The following PTPRT variants were observed in gnomAD, a reference collection of about 807,000 sequenced individuals.
The protein encoded by PTPRT is protein tyrosine phosphatase receptor type T, also known as receptor-type tyrosine-protein phosphatase T.
PTPRT carries 56 observed loss-of-function variants against 176.8 expected under a neutral mutation model. That is an observed-to-expected ratio of 0.32 (90% CI 0.26 to 0.40). The LOEUF is 0.40. PTPRT is among the 10% of genes least tolerant of loss of function. The pLI, the probability that PTPRT is intolerant of heterozygous loss-of-function variation, is 1.00. For synonymous variants in PTPRT, 783 were observed against 739.0 expected (o/e 1.06, Z -0.96); for missense variants, 1,540 against 1,908.2 (o/e 0.81, Z 3.60).
intron 11 of PTPRT, among the ~76,000 whole-genome samples, chr20:42,329,488 CACACACACACACACAT>C (rs1341949906): frequency 2.8e-4 from 39 of 139,668 alleles, no homozygotes; most frequent in Non-Finnish European, 4.9e-4. Context: ...CACACACACA[CACACACACACACACAT>C]ACACACACAC....
chr20:42,100,069 C>A (rs568758999), intron 26 of PTPRT, among the ~76,000 whole-genome samples: 1 of 152,172 alleles, frequency 6.6e-6, no homozygotes, highest in Admixed American at 6.5e-5. Context: ...AATACTCTGA[C>A]CCCGAGGACC....
intron 27 of PTPRT, among the ~76,000 whole-genome samples, chr20:42,096,980 A>C (rs1048172180): frequency 2.0e-5 from 3 of 152,128 alleles, no homozygotes; most frequent in Non-Finnish European, 4.4e-5. Flanking sequence ...GTGCTCCTCC[A>C]AACTCCAGTG....
chr20:42,570,363 A>G (rs2073133548), intron 7 of PTPRT, among the ~76,000 whole-genome samples: 1 of 152,096 alleles, frequency 6.6e-6, no homozygotes, highest in African/African-American at 2.4e-5. Context: ...TCAGCAACCA[A>G]ATCCACCAGC....
intron 17 of PTPRT, among the ~76,000 whole-genome samples, chr20:42,156,336 A>T (rs1235575453): frequency 6.6e-6 from 1 of 152,182 alleles, no homozygotes; most frequent in Non-Finnish European, 1.5e-5. Flanking sequence ...AGCCTAGTAC[A>T]GTGTCTGTAC....
chr20:42,539,902 TACAGAACCAATCCA>T (rs1408851288), intron 7 of PTPRT, among the ~76,000 whole-genome samples: 1 of 151,854 alleles, frequency 6.6e-6, no homozygotes, highest in Non-Finnish European at 1.5e-5. Flanking sequence ...GTGTGGGTAT[TACAGAACCAATCCA>T]ACAGTTCCAA....
chr20:42,881,580 C>A (rs146904573), intron 2 of PTPRT, among the ~76,000 whole-genome samples: 2,843 of 152,048 alleles, frequency 0.019, 100 homozygotes, highest in African/African-American at 0.065. Context: ...CAAAAGTTAG[C>A]CAGGCATGGC....
chr20:42,299,870 A>G (rs1178086537), intron 12 of PTPRT, among the ~76,000 whole-genome samples: 3 of 151,350 alleles, frequency 2.0e-5, no homozygotes, highest in Non-Finnish European at 2.9e-5. Context: ...AATGGTCTCG[A>G]TCTCTTGACC....
At chr20:42,303,814 G>T (rs1173676908) in intron 12 of PTPRT, among the ~76,000 whole-genome samples, 1 of 152,150 alleles carries the variant, frequency 6.6e-6, no homozygotes, top group Non-Finnish European at 1.5e-5. Context: ...GAGCTTCAGA[G>T]TGTAGAACAA....
chr20:42,670,541 C>A (rs969298967), intron 7 of PTPRT, among the ~76,000 whole-genome samples: 1 of 152,138 alleles, frequency 6.6e-6, no homozygotes, highest in Non-Finnish European at 1.5e-5. Context: ...CATATCACTG[C>A]AAGTAGAAAT....
At chr20:42,223,233 A>C (rs1283013782) in intron 15 of PTPRT, among the ~76,000 whole-genome samples, 1 of 152,234 alleles carries the variant, frequency 6.6e-6, no homozygotes, top group Non-Finnish European at 1.5e-5. Flanking sequence ...CTGAGCACCT[A>C]CTACGCGCCA....
intron 7 of PTPRT, among the ~76,000 whole-genome samples, chr20:42,529,036 T>C (rs1057117117): frequency 1.3e-5 from 2 of 152,212 alleles, no homozygotes; most frequent in Non-Finnish European, 1.5e-5. Flanking sequence ...CTGCGAGAAC[T>C]AGCTCTTGTG....
intron 7 of PTPRT, among the ~76,000 whole-genome samples, chr20:42,615,583 T>A (rs2074058849): frequency 7.3e-6 from 1 of 136,216 alleles, no homozygotes; most frequent in South Asian, 2.3e-4. Context: ...TTTCTCCACA[T>A]CCTCTCCAGC....
the PTPRT span, among the ~76,000 whole-genome samples, chr20:42,042,470 A>G: frequency 7.2e-5 from 11 of 152,174 alleles, no homozygotes; most frequent in Non-Finnish European, 1.2e-4. Flanking sequence ...AATAATTTCT[A>G]TCTTTGACCT....
intron 13 of PTPRT, among the ~76,000 whole-genome samples, chr20:42,279,826 G>T (rs1259404547): frequency 6.6e-6 from 1 of 152,182 alleles, no homozygotes; most frequent in Non-Finnish European, 1.5e-5. Context: ...CATGTAGCTG[G>T]TCATAGACAG....
intron 1 of PTPRT, chr20:42,971,428 C>T (rs1055138066): frequency 1.3e-5 from 2 of 152,102 alleles, no homozygotes; most frequent in East Asian, 1.9e-4. Flanking sequence ...ATGTCTCTCC[C>T]CTGTTTAAAA....
intron 16 of PTPRT, among the ~76,000 whole-genome samples, chr20:42,172,784 C>T (rs1990132010): frequency 6.6e-6 from 1 of 151,644 alleles, no homozygotes; most frequent in South Asian, 2.1e-4. Context: ...ACCACCATCA[C>T]AGTCAAGATG....
chr20:42,584,622 C>T (rs780861257), intron 7 of PTPRT, among the ~76,000 whole-genome samples: 1 of 152,144 alleles, frequency 6.6e-6, no homozygotes, highest in Non-Finnish European at 1.5e-5. Flanking sequence ...CTTCATACCA[C>T]TTTCACAATA....
intron 1 of PTPRT, among the ~76,000 whole-genome samples, chr20:42,890,055 A>T (rs2079166622): frequency 6.6e-6 from 1 of 152,200 alleles, no homozygotes; most frequent in African/African-American, 2.4e-5. Flanking sequence ...CTCATAACAG[A>T]AACCCCATAT....
intron 2 of PTPRT, among the ~76,000 whole-genome samples, chr20:42,831,063 A>G (rs1439176728): frequency 6.6e-6 from 1 of 152,244 alleles, no homozygotes; most frequent in Non-Finnish European, 1.5e-5. Context: ...AAGGGCCTGA[A>G]TAGCGAAGGC....
Sources: allele counts gnomAD v4.1 joint callset (sites outside exome capture counted in the v4.1 genomes callset), GRCh38; gene constraint gnomAD v4.1.1; transcripts MANE v1.5; gene names NCBI Gene and HGNC (gene_info 2026-07-23, HGNC 2026-07-21).